Variants in FLRT2 observed in about 807,000 individuals in gnomAD.
FLRT2 encodes the protein fibronectin leucine rich transmembrane protein 2, also known as leucine-rich repeat transmembrane protein FLRT2.
Under a neutral mutation model 40.0 loss-of-function variants are expected in FLRT2, and 15 were observed. That is an observed-to-expected ratio of 0.38 (90% CI 0.25 to 0.58). The LOEUF (loss-of-function observed/expected upper bound fraction) is 0.58, where lower values mean the gene tolerates loss of function less well. Among genes scored for constraint, FLRT2 ranks in the 20% least tolerant of loss-of-function variants. The pLI is 0.71. For missense variants in FLRT2, 726 were observed against 840.0 expected (o/e 0.86, Z 1.68); for synonymous variants, 380 against 336.8 (o/e 1.13, Z -1.41).
intron 1 of FLRT2, among the ~76,000 whole-genome samples, chr14:85,535,921 TGTTGTTGTTG>T (rs1176516577): frequency 1.3e-4 from 8 of 62,770 alleles, no homozygotes; most frequent in African/African-American, 3.6e-4. Context: ...TTTTTTTTTT[TGTTGTTGTTG>T]TTGTTGTTGT....
At position 85,544,272 on chromosome 14, in the gene FLRT2, C is replaced by T. The variant is rs528480119; in HGVS notation, c.-377+13738C>T. On this transcript the variant is annotated intron_variant, in intron 1 of 1. Coordinates refer to ENST00000330753, the MANE Select transcript of FLRT2 (RefSeq NM_013231.6). ...CACATGAGGCAATTCATATGCCACA[C>T]TGGATAGGTCTGTTTAAAGAATAAT... Among the ~76,000 whole-genome samples, 5 of 152,316 alleles carry T rather than the reference C, an allele frequency of 3.3e-5. No homozygotes were observed. In the East Asian group the frequency reaches 9.6e-4, roughly 29 times the overall value.
intron 1 of FLRT2, among the ~76,000 whole-genome samples, chr14:85,620,428 C>A (rs1272959237): frequency 6.6e-6 from 1 of 151,988 alleles, no homozygotes; most frequent in Non-Finnish European, 1.5e-5. Flanking sequence ...TCTTTATCAC[C>A]TTCATACTGT....
intron 1 of FLRT2, among the ~76,000 whole-genome samples, chr14:85,598,862 G>C (rs1013014278): frequency 2.0e-5 from 3 of 151,180 alleles, no homozygotes; most frequent in African/African-American, 7.3e-5. Context: ...GTTTGATGAT[G>C]TGCAACTTAT....
intron 1 of FLRT2, among the ~76,000 whole-genome samples, chr14:85,557,985 CTGTGGAAAGCATCCATAGACTTA>C (rs967628210): frequency 4.8e-5 from 7 of 145,400 alleles, no homozygotes; most frequent in African/African-American, 1.7e-4. Flanking sequence ...ATGTAGACTT[CTGTGGAAAGCATCCATAGACTTA>C]TGTGGAAAGC....
At chr14:85,611,321 T>C (rs887967943) in intron 1 of FLRT2, among the ~76,000 whole-genome samples, 1 of 152,202 alleles carries the variant, frequency 6.6e-6, no homozygotes, top group Non-Finnish European at 1.5e-5. Context: ...GAAATACTAG[T>C]TTTAAAGAAA....
At chr14:85,601,163 C>G (rs1892363677) in intron 1 of FLRT2, among the ~76,000 whole-genome samples, 1 of 151,980 alleles carries the variant, frequency 6.6e-6, no homozygotes, top group Admixed American at 6.6e-5. Flanking sequence ...AGCTGAAGTG[C>G]TGTAGGTAGT....
intron 1 of FLRT2, among the ~76,000 whole-genome samples, chr14:85,606,474 C>T (rs546649392): frequency 1.3e-5 from 2 of 151,196 alleles, no homozygotes; most frequent in African/African-American, 4.9e-5. Flanking sequence ...ATCTCAAGCA[C>T]GTGGCTTGGT....
chr14:85,563,147 TG>T (rs1186942502), intron 1 of FLRT2: 8 of 152,152 alleles, frequency 5.3e-5, no homozygotes, highest in African/African-American at 1.9e-4. Flanking sequence ...TTGAGAATTA[TG>T]GTTCTCTGGG....
intron 1 of FLRT2, among the ~76,000 whole-genome samples, chr14:85,612,947 T>G (rs368619149): frequency 3.9e-5 from 6 of 152,206 alleles, no homozygotes; most frequent in Admixed American, 6.5e-5. Flanking sequence ...TGTTTTGTTA[T>G]GTATATTACA....
At chr14:85,536,372 G>A (rs1888659101) in intron 1 of FLRT2, among the ~76,000 whole-genome samples, 1 of 152,046 alleles carries the variant, frequency 6.6e-6, no homozygotes, top group Admixed American at 6.6e-5. Flanking sequence ...CCTGCTTCTG[G>A]GATCTGAAGC....
At chr14:85,541,359 G>A (rs975180309) in intron 1 of FLRT2, among the ~76,000 whole-genome samples, 144 of 152,230 alleles carry the variant, frequency 9.5e-4, no homozygotes, top group Non-Finnish European at 3.5e-4. Flanking sequence ...TCCACTTGAG[G>A]CCAGCTAGGC....
In FLRT2 at chr14:85,624,093, C is replaced by T. The variant is rs923211044; in HGVS notation, c.*596C>T. On this transcript the variant is annotated 3_prime_UTR_variant, in exon 2 of 2. Coordinates refer to ENST00000330753, the MANE Select transcript of FLRT2 (RefSeq NM_013231.6). ...GCCGGTTCCCGTGAGATAAGTTAAC[C>T]CGGCCTGACAGAATCAAGAAAATTG... The T allele has an allele frequency of 7.2e-5, 12 of 166,978 alleles. No individual in the cohort carries two copies. Among genetic ancestry groups the T allele is most frequent in the African/African-American group, 2.9e-4 (12 of 41,412 alleles). 10.3% of individuals were successfully genotyped at this position (166,978 alleles called of 1,614,324 possible).
At chr14:85,566,231 A>G (rs112908769) in intron 1 of FLRT2, among the ~76,000 whole-genome samples, 27 of 152,280 alleles carry the variant, frequency 1.8e-4, no homozygotes, top group African/African-American at 6.5e-4. Context: ...CACTATCACA[A>G]TGATACTTGG....
In FLRT2 at chr14:85,651,969, T is replaced by C. The variant is rs1287970265; in HGVS notation, c.*28472T>C. 1.3e-5 allele frequency: 2 copies of C among 152,036 alleles called. No homozygotes were observed. Among genetic ancestry groups the C allele is most frequent in the African/African-American group, 4.8e-5 (2 of 41,430 alleles). 9.4% of individuals were successfully genotyped at this position (152,036 alleles called of 1,614,324 possible). ...GCTTTCCCACTAGGGCTGGGGCTAATGGAAAATACATCTTAAAAAGTCTTC... is the reference window on the plus strand; with the variant it reads ...GCTTTCCCACTAGGGCTGGGGCTAACGGAAAATACATCTTAAAAAGTCTTC... On this transcript the variant is annotated 3_prime_UTR_variant, in exon 2 of 2. Coordinates refer to ENST00000330753, the MANE Select transcript of FLRT2 (RefSeq NM_013231.6).
chr14:85,613,581 G>A (rs1030986604), intron 1 of FLRT2, among the ~76,000 whole-genome samples: 14 of 152,182 alleles, frequency 9.2e-5, no homozygotes, highest in African/African-American at 3.4e-4. Flanking sequence ...ATGTCAAAGA[G>A]TTTTTGCAGA....
intron 1 of FLRT2, among the ~76,000 whole-genome samples, chr14:85,562,141 C>G (rs1890370351): frequency 6.6e-6 from 1 of 152,148 alleles, no homozygotes. Flanking sequence ...ATGAGTAAAA[C>G]CTTGGACTAA....
At chr14:85,588,316 A>G (rs927112785) in intron 1 of FLRT2, among the ~76,000 whole-genome samples, 1 of 152,138 alleles carries the variant, frequency 6.6e-6, no homozygotes, top group African/African-American at 2.4e-5. Flanking sequence ...TAACTGGATG[A>G]AGGTCTTTGC....
intron 1 of FLRT2, among the ~76,000 whole-genome samples, chr14:85,537,664 A>T (rs1005863032): frequency 6.6e-6 from 1 of 151,906 alleles, no homozygotes; most frequent in Non-Finnish European, 1.5e-5. Flanking sequence ...GATTCTTTTC[A>T]AGGTTTGAAC....
rs116915598 is a variant in FLRT2 at position 85,552,582 on chromosome 14, A to G, written c.-377+22048A>G. Among the ~76,000 whole-genome samples the G allele has an allele frequency of 3.5e-3, 534 of 152,278 alleles. 25 individuals are homozygous for G. The East Asian group carries it at 0.078, about 22-fold the overall frequency. ...CTGCCTGAATCATGCCCAAATCATTAAAGCTTTCTAAAGGGCAGAGCCATC... is the reference window on the plus strand; with the variant it reads ...CTGCCTGAATCATGCCCAAATCATTGAAGCTTTCTAAAGGGCAGAGCCATC... On this transcript the variant is annotated intron_variant, in intron 1 of 1. Coordinates refer to ENST00000330753, the MANE Select transcript of FLRT2 (RefSeq NM_013231.6).
Sources: gnomAD v4.1 joint callset for allele counts (sites outside exome capture counted in the v4.1 genomes callset) on GRCh38, gnomAD v4.1.1 for gene constraint, MANE v1.5 for transcripts, NCBI Gene and HGNC (gene_info 2026-07-23, HGNC 2026-07-21) for gene names.